Variants in RHBDD1 observed in about 807,000 individuals in gnomAD.
The protein encoded by RHBDD1 is rhomboid-related protein 4.
A neutral mutation model predicts 36.3 loss-of-function variants in RHBDD1; 38 were observed. That is an observed-to-expected ratio of 1.05 (90% CI 0.81 to 1.37). The LOEUF is 1.37. Ranked by LOEUF, RHBDD1 falls within the 40% of genes most tolerant of loss-of-function variation. The probability of loss-of-function intolerance (pLI) is 0.00; values close to 1 mark genes in which losing one functional copy is unlikely to be tolerated. For missense variants in RHBDD1, 393 were observed against 377.6 expected (o/e 1.04, Z -0.34); for synonymous variants, 151 against 136.5 (o/e 1.11, Z -0.74).
intron 8 of RHBDD1, among the ~76,000 whole-genome samples, chr2:226,915,233 T>C (rs1004656166): frequency 6.6e-6 from 1 of 152,140 alleles, no homozygotes; most frequent in African/African-American, 2.4e-5. Flanking sequence ...ACAGAGGAGA[T>C]AGCATTTGAG....
chr2:226,895,801 CCAGCAA>C (rs761731484), intron 5 of RHBDD1: 603 of 985,300 alleles, frequency 6.1e-4, no homozygotes, highest in Non-Finnish European at 6.9e-4. Flanking sequence ...ACAACTCACC[CCAGCAA>C]CAGCAAAACT....
At chr2:226,922,128 A>C (rs1290130463) in intron 8 of RHBDD1, among the ~76,000 whole-genome samples, 2 of 151,260 alleles carry the variant, frequency 1.3e-5, no homozygotes, top group African/African-American at 2.4e-5. Flanking sequence ...TTTATCTTCA[A>C]ATCTGTTTTG....
chr2:226,921,520 A>G (rs180859901), intron 8 of RHBDD1, among the ~76,000 whole-genome samples: 9 of 152,232 alleles, frequency 5.9e-5, no homozygotes, highest in Admixed American at 1.3e-4. Context: ...CATAGGTTTC[A>G]GAATGTTGTG....
At chr2:226,802,424 C>G in the RHBDD1 span, among the ~76,000 whole-genome samples, 9 of 152,262 alleles carry the variant, frequency 5.9e-5, no homozygotes, top group East Asian at 1.7e-3. Context: ...AATTATACTA[C>G]AGTAAATTCA....
intron 8 of RHBDD1, among the ~76,000 whole-genome samples, chr2:226,966,096 C>T (rs1458694904): frequency 2.6e-5 from 4 of 152,238 alleles, no homozygotes; most frequent in Admixed American, 6.5e-5. Flanking sequence ...AAATGTGACT[C>T]GCCACATAAA....
intron 5 of RHBDD1, among the ~76,000 whole-genome samples, chr2:226,869,689 G>A (rs1944628763): frequency 6.6e-6 from 1 of 152,192 alleles, no homozygotes; most frequent in African/African-American, 2.4e-5. Context: ...AGGAGTATGA[G>A]GCATGTGGAC....
At chr2:226,844,724 T>G (rs1942037779) in intron 3 of RHBDD1, among the ~76,000 whole-genome samples, 1 of 152,144 alleles carries the variant, frequency 6.6e-6, no homozygotes, top group Non-Finnish European at 1.5e-5. Flanking sequence ...AACCTAGGTC[T>G]GAAGGGCTGT....
chr2:226,841,134 A>G (rs187724026), intron 3 of RHBDD1, among the ~76,000 whole-genome samples: 22 of 151,776 alleles, frequency 1.4e-4, no homozygotes, highest in African/African-American at 4.8e-4. Context: ...TTTTTCATTC[A>G]TTTATTTATT....
At chr2:226,832,492 C>A (rs1940767526), upstream of RHBDD1, among the ~76,000 whole-genome samples, 1 of 152,190 alleles carries the variant, frequency 6.6e-6, no homozygotes, top group South Asian at 2.1e-4. Context: ...GGTTGAGAGT[C>A]TTGTTCAAGC....
At chr2:226,967,067 A>G (rs1952692242) in intron 8 of RHBDD1, among the ~76,000 whole-genome samples, 1 of 152,170 alleles carries the variant, frequency 6.6e-6, no homozygotes, top group African/African-American at 2.4e-5. Context: ...TGCTTTTCTA[A>G]CAAATTCCCT....
At chr2:226,987,193 G>A (rs1186728548) in intron 8 of RHBDD1, among the ~76,000 whole-genome samples, 2 of 152,148 alleles carry the variant, frequency 1.3e-5, no homozygotes, top group Non-Finnish European at 2.9e-5. Context: ...GGGGGCAAGG[G>A]GAGGCATAGC....
intron 5 of RHBDD1, chr2:226,869,039 G>A (rs1944567363): frequency 3.2e-6 from 1 of 315,098 alleles, no homozygotes; most frequent in Non-Finnish European, 4.6e-6. Context: ...CACTCCCTCT[G>A]CTATTTGAAC....
chr2:226,815,807 A>C, the RHBDD1 span, among the ~76,000 whole-genome samples: 1 of 152,230 alleles, frequency 6.6e-6, no homozygotes, highest in South Asian at 2.1e-4. Flanking sequence ...TGGAAGATGG[A>C]ATTTTCCAGT....
intron 3 of RHBDD1, among the ~76,000 whole-genome samples, chr2:226,849,680 C>T (rs1013052145): frequency 1.3e-5 from 2 of 152,246 alleles, no homozygotes; most frequent in Non-Finnish European, 2.9e-5. Context: ...CTCCCTTGCC[C>T]TGTGGGCATA....
At chr2:226,823,070 G>A in the RHBDD1 span, among the ~76,000 whole-genome samples, 2 of 152,258 alleles carry the variant, frequency 1.3e-5, no homozygotes, top group South Asian at 4.2e-4. Context: ...AGGTTGCAGT[G>A]AGCCAAGAAG....
intron 8 of RHBDD1, among the ~76,000 whole-genome samples, chr2:226,973,029 A>G (rs944989485): frequency 2.6e-5 from 4 of 152,006 alleles, no homozygotes; most frequent in Admixed American, 2.6e-4. Context: ...ACTTCAAAGT[A>G]GAGATTCAGA....
intron 3 of RHBDD1, among the ~76,000 whole-genome samples, chr2:226,849,652 A>G (rs1942594256): frequency 6.6e-6 from 1 of 152,260 alleles, no homozygotes; most frequent in Admixed American, 6.5e-5. Flanking sequence ...CACAGCAACG[A>G]CAGAGAGTCA....
At chr2:226,868,094 A>G (rs1333018699) in intron 5 of RHBDD1, among the ~76,000 whole-genome samples, 1 of 152,170 alleles carries the variant, frequency 6.6e-6, no homozygotes, top group Non-Finnish European at 1.5e-5. Context: ...TTTACTTAAC[A>G]CTCAAAATGT....
intron 5 of RHBDD1, 96 bp downstream of exon 5, chr2:226,867,414 G>A: frequency 1.5e-6 from 2 of 1,341,796 alleles, no homozygotes; most frequent in Non-Finnish European, 2.0e-6. Flanking sequence ...GTTTTTCACA[G>A]TGAGGTTTAT....
Sources: gnomAD v4.1 joint callset for allele counts (sites outside exome capture counted in the v4.1 genomes callset) on GRCh38, gnomAD v4.1.1 for gene constraint, MANE v1.5 for transcripts, NCBI Gene and HGNC (gene_info 2026-07-23, HGNC 2026-07-21) for gene names.